Variants in DONSON observed in about 807,000 individuals in gnomAD.
DONSON encodes the protein protein downstream neighbor of Son.
Under a neutral mutation model 62.1 loss-of-function variants are expected in DONSON, and 43 were observed. The observed-to-expected ratio is 0.69, with a 90% CI of 0.54 to 0.89. The LOEUF (loss-of-function observed/expected upper bound fraction) is 0.89. Ranked by LOEUF, DONSON falls within the 40% of genes least tolerant of loss-of-function variation. The pLI, the probability that DONSON is intolerant of heterozygous loss-of-function variation, is 0.00. For missense variants in DONSON, 696 were observed against 697.5 expected, an observed-to-expected ratio of 1.00 and a Z score of 0.03; for synonymous variants, 266 against 264.6, an observed-to-expected ratio of 1.01 and a Z score of -0.05.
rs1234473759 is a variant in DONSON at position 33,578,304 on chromosome 21, T to C, written c.*3A>G. On this transcript the variant is annotated 3_prime_UTR_variant, in exon 10 of 10. Coordinates refer to ENST00000303071, the MANE Select transcript of DONSON (RefSeq NM_017613.4). ...AAGATTCCTTTTAGGCTTACTTTGG[T>C]GTTCAGGATCTCCAATTATAAATGT... The C allele has an allele frequency of 6.2e-7, 1 of 1,611,326 alleles. No homozygotes were observed. Among genetic ancestry groups the C allele is most frequent in the African/African-American group, 1.3e-5 (1 of 74,976 alleles).
intron 7 of DONSON, 54 bp from the exon 8 acceptor site, chr21:33,581,554 G>A (rs1453065696): frequency 2.7e-6 from 4 of 1,480,856 alleles, no homozygotes; most frequent in South Asian, 2.4e-5. Flanking sequence ...AATGTGGAAA[G>A]CAGTTATCTT....
Position 33,586,063 on chromosome 21 carries a change from G to C in DONSON, c.521C>G (p.Ala174Gly). 6.2e-7 allele frequency: 1 copy of C among 1,614,162 alleles called. No homozygotes were observed. The highest frequency in any genetic ancestry group is 1.3e-5 in the African/African-American group (1 of 75,048). ...TTCTTCCTGTGCTTTCAAATGATCT[G>C]CCCAGGTAAAGGGTTGAGAAGAGGT... ...LFTSSQPFTW[A>G]DHLKAQEEAQ... Residue 174 changes from alanine to glycine, a missense_variant, in exon 3 of 10, where the codon GCA (alanine) becomes GGA (glycine). Ala to Gly is a moderately conservative substitution (Grantham distance 60). Coordinates refer to ENST00000303071, the MANE Select transcript of DONSON (RefSeq NM_017613.4).
Position 33,578,421 on chromosome 21 carries a change from A to C in DONSON, c.1587T>G (p.Thr529=). 1 of 1,613,906 alleles carries C rather than the reference A, an allele frequency of 6.2e-7. No individual in the cohort carries two copies. Residue 529 remains threonine (T), a synonymous_variant, in exon 10 of 10, where the codon ACT becomes ACG. Coordinates refer to ENST00000303071, the MANE Select transcript of DONSON (RefSeq NM_017613.4). ...GAGTGTTAGGGTGCAAACCACAGTTAGTAAGCTCCTTATGAACAACCTCCT... is the reference window on the plus strand; with the variant it reads ...GAGTGTTAGGGTGCAAACCACAGTTCGTAAGCTCCTTATGAACAACCTCCT... ...LDMEVVHKEL[T]NCGLHPNTLE...
Position 33,588,356 on chromosome 21 carries a change from CGTCGGGGGGCTCCGCGGCGACCCGCG to C in DONSON, c.260_285del (p.Pro87ArgfsTer17). The C allele has an allele frequency of 7.7e-7, 1 of 1,293,066 alleles. No individual in the cohort carries two copies. Among genetic ancestry groups the C allele is most frequent in the South Asian group, 2.7e-5 (1 of 36,560 alleles). The allele number at this position is 1,293,066 out of a possible 1,614,324, so 80.1% of individuals were successfully genotyped here. On this transcript the variant is annotated frameshift_variant, in exon 1 of 10. Coordinates refer to ENST00000303071, the MANE Select transcript of DONSON (RefSeq NM_017613.4). LOFTEE classifies it high-confidence loss of function. ...GCCTCCGGCTGCTCGCGGGCCGGCC[CGTCGGGGGGCTCCGCGGCGACCCGCG>C]GTCGGTTGTCCAGGCGGGCGAAGGG...
chr21:33,584,397 GGTAAAGAATGA>G (rs2086555059), intron 4 of DONSON, among the ~76,000 whole-genome samples, 182 bp downstream of exon 4: 1 of 151,292 alleles, frequency 6.6e-6, no homozygotes, highest in African/African-American at 2.4e-5. Context: ...ACCACAATTG[GGTAAAGAATGA>G]GTAACAGCTA....
intron 2 of DONSON, among the ~76,000 whole-genome samples, chr21:33,586,909 G>T (rs1325200109): frequency 6.6e-6 from 1 of 152,054 alleles, no homozygotes. Context: ...CAAAGTGTTG[G>T]GATTACAGAC....
chr21:33,587,633 T>A, intron 1 of DONSON, 31 bp from the exon 2 acceptor site: 1 of 1,484,648 alleles, frequency 6.7e-7, no homozygotes, highest in Non-Finnish European at 9.2e-7. Context: ...CTTTAAAATT[T>A]AAAGGATGCT....
At position 33,582,013 on chromosome 21, in the gene DONSON, G is replaced by A; in HGVS notation, c.1089C>T (p.Ser363=). 6.2e-7 allele frequency: 1 copy of A among 1,614,108 alleles called. No individual in the cohort carries two copies. Among genetic ancestry groups the A allele is most frequent in the Non-Finnish European group, 8.5e-7 (1 of 1,180,010 alleles). The part of the protein sequence containing the change: ...ISDEDEEESF[S]WLEEMGVQDK... ...CTTGCACACCCATCTCTTCCAGCCAGGAAAAACTTTCCTCTTCATCCTCAT... is the reference window on the plus strand; with the variant it reads ...CTTGCACACCCATCTCTTCCAGCCAAGAAAAACTTTCCTCTTCATCCTCAT... The change falls in exon 7 of 10, where the codon TCC becomes TCT. Residue 363 remains serine, a synonymous_variant. Transcript: ENST00000303071.
In DONSON at chr21:33,588,613, G is replaced by A; in HGVS notation, c.29C>T (p.Pro10Leu). 1 of 1,247,234 alleles carries A rather than the reference G, an allele frequency of 8.0e-7. No homozygotes were observed. The highest frequency in any genetic ancestry group is 1.0e-6 in the Non-Finnish European group (1 of 994,484). The allele number at this position is 1,247,234 out of a possible 1,614,324, so 77.3% of individuals were successfully genotyped here. A position where few individuals can be genotyped will look rare whatever the true frequency, so the allele number is the denominator to read the frequency against. ...TACCTCGGGCGGCTTTCGGAAGCCC[G>A]GTGAGTAGCCGGGCACCGAAAGGGC... MALSVPGYS[P>L]GFRKPPEVVR... Residue 10 changes from proline to leucine, a missense_variant, in exon 1 of 10, where the codon CCG becomes CTG. Physicochemically the swap from Pro to Leu is moderately conservative, Grantham distance 98 (BLOSUM62 -3). Transcript: ENST00000303071.
At position 33,586,030 on chromosome 21, in the gene DONSON, C is replaced by T; in HGVS notation, c.554G>A (p.Gly185Asp). 1 of 1,614,188 alleles carries T rather than the reference C, an allele frequency of 6.2e-7. No homozygotes were observed. Among genetic ancestry groups the T allele is most frequent in the Non-Finnish European group, 8.5e-7 (1 of 1,180,022 alleles). ...TGTTGCCCTACAATGCTGGACAAGACCTTGAGCTTCTTCCTGTGCTTTCAA... is the reference window on the plus strand; with the variant it reads ...TGTTGCCCTACAATGCTGGACAAGATCTTGAGCTTCTTCCTGTGCTTTCAA... ...DHLKAQEEAQ[G>D]LVQHCRATEV... Residue 185 changes from glycine to aspartate, a missense_variant, in exon 3 of 10, where the codon GGT (glycine) becomes GAT (aspartate). Physicochemically the swap from Gly to Asp is moderately conservative, Grantham distance 94 (BLOSUM62 -1). Coordinates refer to ENST00000303071, the MANE Select transcript of DONSON (RefSeq NM_017613.4).
rs1362126356 is a variant in DONSON, at chr21:33,588,651, C to A, written c.-10G>T. The A allele has an allele frequency of 2.4e-6, 3 of 1,231,924 alleles. No individual in the cohort carries two copies. The highest frequency in any genetic ancestry group is 3.0e-6 in the Non-Finnish European group (3 of 986,928). The allele number at this position is 1,231,924 out of a possible 1,614,324, so 76.3% of individuals were successfully genotyped here. On this transcript the variant is annotated 5_prime_UTR_variant, in exon 1 of 10. Transcript: ENST00000303071. ...GCACCGAAAGGGCCATGACGCGCGG[C>A]GGCTGAGGGTAGCCGGCCGCCCTAC... is the stretch of plus-strand genomic sequence containing the variant.
rs1569073023 is a variant in DONSON at position 33,577,662 on chromosome 21, CACACACACACACACACACACACACACA to C, written c.*618_*644del. On this transcript the variant is annotated 3_prime_UTR_variant, in exon 10 of 10. Transcript: ENST00000303071. ...ACACACACACACACACACACACACA[CACACACACACACACACACACACACACA>C]CACACACACACACCCCTATAAGCAC... 151 of 107,244 alleles carry C rather than the reference CACACACACACACACACACACACACACA, an allele frequency of 1.4e-3. 3 individuals carry two copies. Among genetic ancestry groups the C allele is most frequent in the African/African-American group, 4.3e-3 (106 of 24,650 alleles). The allele number at this position is 107,244 out of a possible 1,614,324, so 6.6% of individuals were successfully genotyped here. A position where few individuals can be genotyped will look rare whatever the true frequency, so the allele number is the denominator to read the frequency against.
At chr21:33,582,794 AC>A (rs1222922191) in intron 5 of DONSON, among the ~76,000 whole-genome samples, 1 of 152,168 alleles carries the variant, frequency 6.6e-6, no homozygotes, top group Non-Finnish European at 1.5e-5. Context: ...AGTGAACATT[AC>A]TGCCTGAGCT....
Position 33,581,326 on chromosome 21 carries a change from T to A in DONSON, c.1326A>T (p.Arg442=). The A allele has an allele frequency of 6.2e-7, 1 of 1,614,110 alleles. No homozygotes were observed. Among genetic ancestry groups the A allele is most frequent in the Non-Finnish European group, 8.5e-7 (1 of 1,179,996 alleles). Residue 442 remains arginine, a synonymous_variant, in exon 8 of 10, where the codon CGA becomes CGT. Coordinates refer to ENST00000303071, the MANE Select transcript of DONSON (RefSeq NM_017613.4). ...CCTTAAGCATTTGCATTGTGGCACCTCGGAAAGCAACAGGGGACAAGAGGG... is the reference window on the plus strand; with the variant it reads ...CCTTAAGCATTTGCATTGTGGCACCACGGAAAGCAACAGGGGACAAGAGGG... ...PPTLLSPVAF[R]GATMQMLKAR...
Position 33,582,074 on chromosome 21 carries a change from T to TA in DONSON, c.1047-20dup, listed in dbSNP as rs1204458112. On this transcript the variant is annotated intron_variant, in intron 6 of 9. Transcript: ENST00000303071. ...TTGCTCCCTAGGAAATTGCTACAGT[T>TA]AGAGTCCCTATTTCACAAGCTGTTC... is the stretch of plus-strand genomic sequence containing the variant. The TA allele has an allele frequency of 2.2e-5, 36 of 1,613,392 alleles. No individual in the cohort carries two copies. The highest frequency in any genetic ancestry group is 2.8e-5 in the Non-Finnish European group (33 of 1,179,334).
In DONSON at chr21:33,583,527, G is replaced by T; in HGVS notation, c.925C>A (p.Pro309Thr). The T allele has an allele frequency of 6.2e-7, 1 of 1,613,764 alleles. No homozygotes were observed. The highest frequency in any genetic ancestry group is 8.5e-7 in the Non-Finnish European group (1 of 1,179,878). Residue 309 changes from proline to threonine, a missense_variant, in exon 5 of 10, where the codon CCA becomes ACA. Pro to Thr is a conservative substitution (Grantham distance 38). Transcript: ENST00000303071. ...GCTTCTCTTAAACCTCGAGTTGTTG[G>T]AGATATGAGAGCTGTGATTAAGTCA... ...GSDLITALISPTTRGLREAMR... is the reference protein window; with the variant it reads ...GSDLITALISTTTRGLREAMR...
chr21:33,584,228 A>G (rs1226660736), intron 4 of DONSON, among the ~76,000 whole-genome samples: 2 of 150,904 alleles, frequency 1.3e-5, no homozygotes, highest in African/African-American at 4.9e-5. Context: ...TTGTATTTTT[A>G]GTAGAGACAG....
At chr21:33,585,902 T>C in intron 3 of DONSON, 76 bp downstream of exon 3, 1 of 1,352,630 alleles carries the variant, frequency 7.4e-7, no homozygotes, top group Non-Finnish European at 1.0e-6. Context: ...GAAGGCAGCA[T>C]CTGCTATTTT....
chr21:33,583,720 T>A, intron 4 of DONSON, 54 bp from the exon 5 acceptor site: 1 of 1,351,426 alleles, frequency 7.4e-7, no homozygotes, highest in Non-Finnish European at 1.0e-6. Flanking sequence ...ATGCAATGTT[T>A]ATAATTCTGA....
Sources: gnomAD v4.1 joint callset for allele counts (sites outside exome capture counted in the v4.1 genomes callset) on GRCh38, gnomAD v4.1.1 for gene constraint, MANE v1.5 for transcripts, NCBI Gene and HGNC (gene_info 2026-07-23, HGNC 2026-07-21) for gene names.